Variants in ARNT2 observed in about 807,000 individuals in gnomAD.
The protein encoded by ARNT2 is ARNT protein 2.
ARNT2 carries 36 observed loss-of-function variants against 91.7 expected under a neutral mutation model. The ratio of observed to expected loss-of-function variants is 0.39; its 90% confidence interval spans 0.30 to 0.52. The LOEUF is 0.52. ARNT2 is among the 20% of genes least tolerant of loss of function. The pLI, the probability that ARNT2 is intolerant of heterozygous loss-of-function variation, is 0.72. For synonymous variants in ARNT2, 365 were observed against 347.1 expected (o/e 1.05, Z -0.57); for missense variants, 775 against 939.3 (o/e 0.83, Z 2.29).
rs118003794 is a variant in ARNT2, at chr15:80,570,507, A to T, written c.1317-3641A>T. Among the ~76,000 whole-genome samples the T allele has an allele frequency of 9.1e-3, 1,390 of 151,980 alleles. 17 individuals are homozygous for T. The highest frequency in any genetic ancestry group is 0.015 in the Non-Finnish European group (1,034 of 67,920). On this transcript the variant is annotated intron_variant, in intron 12 of 18. Transcript: ENST00000303329. ...AGAGAAAGTAATGCTTTTTTTTTCT[A>T]TTGATTATACTGATTCATTTTTCAA...
At chr15:80,466,916 A>G (rs985610830) in intron 3 of ARNT2, among the ~76,000 whole-genome samples, 3 of 152,232 alleles carry the variant, frequency 2.0e-5, no homozygotes, top group Non-Finnish European at 4.4e-5. Context: ...TTCACAGAGC[A>G]CTGTGGTGAA....
At chr15:80,570,075 C>A (rs894378108) in intron 12 of ARNT2, among the ~76,000 whole-genome samples, 1 of 152,216 alleles carries the variant, frequency 6.6e-6, no homozygotes, top group African/African-American at 2.4e-5. Flanking sequence ...CTTGTTATAG[C>A]CATGGGTATT....
Position 80,591,517 on chromosome 15 carries a change from G to A in ARNT2, c.1919-51G>A. On this transcript the variant is annotated intron_variant, in intron 17 of 18. Transcript: ENST00000303329. This position sits in a 1 kb window ranked among gnomAD's most constrained non-coding sequence, Gnocchi z 5.1. ...GCCGCAGTGGTTCTTAGGTCTCACA[G>A]AACCACGGGATGGCTTTTAAAGGAA... 6.2e-7 allele frequency: 1 copy of A among 1,608,730 alleles called. No individual in the cohort carries two copies. Among genetic ancestry groups the A allele is most frequent in the African/African-American group, 1.3e-5 (1 of 74,990 alleles).
chr15:80,526,151 C>T (rs1211588776), intron 8 of ARNT2, among the ~76,000 whole-genome samples: 1 of 152,228 alleles, frequency 6.6e-6, no homozygotes, highest in Non-Finnish European at 1.5e-5. Context: ...CTTTCTGTTA[C>T]ACAGTGGCCT....
Position 80,597,063 on chromosome 15 carries a change from G to A in ARNT2, c.*3365G>A, listed in dbSNP as rs1252071524. 4.9e-5 allele frequency: 24 copies of A among 487,982 alleles called. No individual in the cohort carries two copies. Among genetic ancestry groups the A allele is most frequent in the South Asian group, 3.5e-4 (23 of 66,266 alleles). 30.2% of individuals were successfully genotyped at this position (487,982 alleles called of 1,614,324 possible). ...ATGTTGCAGAGAGTGGGGGGATTCTGGTTGTTAAGGAACTTACACTGGGGA... is the reference window on the plus strand; with the variant it reads ...ATGTTGCAGAGAGTGGGGGGATTCTAGTTGTTAAGGAACTTACACTGGGGA... On this transcript the variant is annotated 3_prime_UTR_variant, in exon 19 of 19. Transcript: ENST00000303329.
At chr15:80,470,544 C>T (rs1356565336) in intron 4 of ARNT2, 113 bp downstream of exon 4, 1 of 1,205,326 alleles carries the variant, frequency 8.3e-7, no homozygotes, top group Non-Finnish European at 1.1e-6. Context: ...ATGAAGCCAA[C>T]ATGTTTTGTT....
rs150562717 is a variant in ARNT2 at position 80,580,486 on chromosome 15, C to T, written c.1689C>T (p.Ile563=). Reference sequence around the variant, plus strand: ...CCACGGGCCAGAACATGTCCCAAATCTCCCGGCAGCTAAACCAGAGTCAGG... The same window carrying T: ...CCACGGGCCAGAACATGTCCCAAATTTCCCGGCAGCTAAACCAGAGTCAGG... ...SSSTGQNMSQ[I]SRQLNQSQVA... The change falls in exon 16 of 19, where the codon ATC becomes ATT. Residue 563 remains isoleucine (I), a synonymous_variant. Coordinates refer to ENST00000303329, the MANE Select transcript of ARNT2 (RefSeq NM_014862.4). The T allele has an allele frequency of 5.8e-5, 93 of 1,614,218 alleles. No homozygotes were observed. Among genetic ancestry groups the T allele is most frequent in the Non-Finnish European group, 7.4e-5 (87 of 1,180,044 alleles).
chr15:80,546,888 G>A lies in ARNT2; in HGVS notation c.878-4311G>A, dbSNP rs188705102. 2.6e-3 allele frequency among the ~76,000 whole-genome samples: 400 copies of A among 152,046 alleles called. 1 individual carries two copies. The highest frequency in any genetic ancestry group is 0.01 in the Middle Eastern group (3 of 294). On this transcript the variant is annotated intron_variant, in intron 8 of 18. Transcript: ENST00000303329. ...TGAGGCAGGAGAATCGCTTGAACTC[G>A]GGAGGTGGAAGTTGCAGTGAGCCGA...
intron 6 of ARNT2, among the ~76,000 whole-genome samples, chr15:80,512,027 G>GC (rs2141426810): frequency 6.6e-6 from 1 of 152,276 alleles, no homozygotes; most frequent in East Asian, 1.9e-4. Context: ...TCACCTAATT[G>GC]CGTGCCACAG....
intron 1 of ARNT2, among the ~76,000 whole-genome samples, chr15:80,424,121 C>G (rs1895901052): frequency 6.6e-6 from 1 of 152,144 alleles, no homozygotes; most frequent in African/African-American, 2.4e-5. Flanking sequence ...CTGAACCAGG[C>G]CCTGTTGCCA....
chr15:80,456,958 T>G (rs1896490174), intron 2 of ARNT2, among the ~76,000 whole-genome samples: 1 of 151,956 alleles, frequency 6.6e-6, no homozygotes, highest in Admixed American at 6.5e-5. Flanking sequence ...AAGAACAAGA[T>G]GGGGAATGCA....
chr15:80,460,173 AG>A (rs1896532598), intron 3 of ARNT2, among the ~76,000 whole-genome samples: 1 of 152,236 alleles, frequency 6.6e-6, no homozygotes, highest in South Asian at 2.1e-4. Flanking sequence ...GAATCTAGGC[AG>A]GGTGCTGTGC....
In ARNT2 at chr15:80,475,108, T is replaced by C. The variant is rs1247400002; in HGVS notation, c.507T>C (p.Pro169=). 3 of 1,614,112 alleles carry C rather than the reference T, an allele frequency of 1.9e-6. No individual in the cohort carries two copies. The highest frequency in any genetic ancestry group is 2.7e-5 in the African/African-American group (2 of 74,938). ...RVIYVSDSVT[P]VLNQPQSEWF... ...TTTATGTGTCTGACTCCGTCACCCCTGTTCTGAACCAGCCCCAGTCAGAGT... is the reference window on the plus strand; with the variant it reads ...TTTATGTGTCTGACTCCGTCACCCCCGTTCTGAACCAGCCCCAGTCAGAGT... Residue 169 remains proline (P), a synonymous_variant, in exon 5 of 19, where the codon CCT becomes CCC. Coordinates refer to ENST00000303329, the MANE Select transcript of ARNT2 (RefSeq NM_014862.4).
intron 10 of ARNT2, among the ~76,000 whole-genome samples, chr15:80,554,402 T>C (rs184403421): frequency 8.5e-4 from 130 of 152,244 alleles, no homozygotes; most frequent in African/African-American, 3.0e-3. Context: ...AGAGTGAAAC[T>C]CCATCTCAAA....
At chr15:80,530,277 T>C (rs1452823160) in intron 8 of ARNT2, among the ~76,000 whole-genome samples, 2 of 152,176 alleles carry the variant, frequency 1.3e-5, no homozygotes, top group African/African-American at 4.8e-5. Context: ...TGTCTGTACA[T>C]GAGGACCAAG....
At chr15:80,557,780 G>C (rs1454221222) in intron 11 of ARNT2, among the ~76,000 whole-genome samples, 9 of 151,836 alleles carry the variant, frequency 5.9e-5, no homozygotes, top group Admixed American at 5.9e-4. Context: ...CTACCCCCCT[G>C]AACCAGATCA....
At chr15:80,558,299 G>T (rs1898238459) in intron 11 of ARNT2, among the ~76,000 whole-genome samples, 1 of 148,442 alleles carries the variant, frequency 6.7e-6, no homozygotes, top group Non-Finnish European at 1.5e-5. Flanking sequence ...ACCAGAACCT[G>T]ACCTCCCTGT....
chr15:80,552,386 T>C (rs79473260), intron 9 of ARNT2, among the ~76,000 whole-genome samples: 9,778 of 152,292 alleles, frequency 0.064, 516 homozygotes, highest in Admixed American at 0.13. Flanking sequence ...ACAAATGCCC[T>C]GTGAGATTAT....
intron 4 of ARNT2, among the ~76,000 whole-genome samples, chr15:80,471,790 T>C (rs900835371): frequency 3.3e-5 from 5 of 152,064 alleles, no homozygotes; most frequent in Non-Finnish European, 7.4e-5. Context: ...CAAGATTGGG[T>C]CCAGTGAAGA....
Sources: gnomAD v4.1 joint callset for allele counts (sites outside exome capture counted in the v4.1 genomes callset) on GRCh38, gnomAD v4.1.1 for gene constraint, Gnocchi (gnomAD v3.1) non-coding constraint, MANE v1.5 for transcripts, NCBI Gene and HGNC (gene_info 2026-07-23, HGNC 2026-07-21) for gene names.